The following CLASRP variants were observed in gnomAD, a reference collection of about 807,000 sequenced individuals.
CLASRP encodes the protein CLK4-associating serine/arginine rich protein.
Under a neutral mutation model 99.9 loss-of-function variants are expected in CLASRP, and 52 were observed. That is an observed-to-expected ratio of 0.52 (90% CI 0.42 to 0.66). The LOEUF (loss-of-function observed/expected upper bound fraction) is 0.66. Ranked by LOEUF, CLASRP falls within the 30% of genes least tolerant of loss-of-function variation. CLASRP has a pLI of 0.00. For missense variants in CLASRP, 848 were observed against 999.2 expected (o/e 0.85, Z 2.04); for synonymous variants, 379 against 373.0 (o/e 1.02, Z -0.18).
intron 13 of CLASRP, 91 bp downstream of exon 13, chr19:45,064,721 C>T (rs1967043191): frequency 3.4e-6 from 5 of 1,453,836 alleles, no homozygotes; most frequent in Non-Finnish European, 4.5e-6. Context: ...GAAACCTGGC[C>T]GTCCAGCTCA....
chr19:45,053,906 A>G (rs184968035), intron 5 of CLASRP, among the ~76,000 whole-genome samples: 4 of 152,072 alleles, frequency 2.6e-5, no homozygotes, highest in African/African-American at 7.2e-5. Context: ...TAGACATGAA[A>G]CACTATGCCC....
At chr19:45,069,451 G>A (rs188298087) in intron 18 of CLASRP, among the ~76,000 whole-genome samples, 9 of 151,838 alleles carry the variant, frequency 5.9e-5, no homozygotes, top group South Asian at 4.2e-4. Flanking sequence ...CCTGCCTCCC[G>A]CCACCGCGAC....
intron 19 of CLASRP, 84 bp from the exon 20 acceptor site, chr19:45,070,453 A>C: frequency 8.1e-7 from 1 of 1,234,390 alleles, no homozygotes; most frequent in South Asian, 1.2e-5. Flanking sequence ...CCTGAAGTTC[A>C]GTTTTGAGGA....
At chr19:45,046,360 C>T (rs1265792677) in intron 2 of CLASRP, among the ~76,000 whole-genome samples, 1 of 152,234 alleles carries the variant, frequency 6.6e-6, no homozygotes, top group Non-Finnish European at 1.5e-5. Context: ...TCCTTGTCAA[C>T]TTTCCTTTTT....
At chr19:45,057,427 G>A (rs1972140268) in intron 6 of CLASRP, among the ~76,000 whole-genome samples, 1 of 152,210 alleles carries the variant, frequency 6.6e-6, no homozygotes, top group Non-Finnish European at 1.5e-5. Flanking sequence ...GAGGACTCTG[G>A]GCTGTGCCCT....
At position 45,053,052 on chromosome 19, in the gene CLASRP, G is replaced by A. The variant is rs370511250; in HGVS notation, c.300-46G>A. 205 of 1,605,740 alleles carry A rather than the reference G, an allele frequency of 1.3e-4. 1 individual carries two copies. The highest frequency in any genetic ancestry group is 6.7e-4 in the Admixed American group (40 of 59,830). On this transcript the variant is annotated intron_variant, in intron 4 of 20. Transcript: ENST00000221455. ...TTCCCTTCCTGCTGGCTTGGGGGGG[G>A]ATCCACTCCTTCTCTCTGATTTCAA...
In CLASRP at chr19:45,070,038, GAGA is replaced by G. The variant is rs758951487; in HGVS notation, c.1894_1896del (p.Lys632del). 6.2e-6 allele frequency: 10 copies of G among 1,605,898 alleles called. No individual in the cohort carries two copies. Among genetic ancestry groups the G allele is most frequent in the Admixed American group, 1.7e-5 (1 of 60,010 alleles). On this transcript the variant is annotated inframe_deletion, in exon 19 of 21. Coordinates refer to ENST00000221455, the MANE Select transcript of CLASRP (RefSeq NM_007056.3). Reference sequence around the variant, plus strand: ...CCTTCGCAGGGAGCGGGAACGCCGAGAGAAGGAGAGAGAAGAGTGGGAACGCCA... The same window carrying G: ...CCTTCGCAGGGAGCGGGAACGCCGAGAGGAGAGAGAAGAGTGGGAACGCCA...
chr19:45,064,283 G>C (rs1967017766), intron 12 of CLASRP, 56 bp downstream of exon 12: 2 of 1,515,582 alleles, frequency 1.3e-6, no homozygotes, highest in African/African-American at 2.7e-5. Flanking sequence ...GGGGTACCCG[G>C]GGCAGAGGGG....
In CLASRP at chr19:45,060,482, G is replaced by C; in HGVS notation, c.789+15G>C. The C allele has an allele frequency of 6.2e-7, 1 of 1,614,052 alleles. No individual in the cohort carries two copies. Among genetic ancestry groups the C allele is most frequent in the Non-Finnish European group, 8.5e-7 (1 of 1,179,874 alleles). ...CCATGTACTCGGTGAGGTCTGGGCT[G>C]GAGTGGAAGGGGACAGGGGTGTGTC... On this transcript the variant is annotated intron_variant, in intron 9 of 20. Coordinates refer to ENST00000221455, the MANE Select transcript of CLASRP (RefSeq NM_007056.3). The surrounding 1 kb of genome is among the most constrained non-coding windows in gnomAD (Gnocchi z 4.6).
rs150962382 is a variant in CLASRP, at chr19:45,070,822, C to A, written c.2002C>A (p.Arg668=). The part of the protein sequence containing the change: ...SSRRRSRSRS[R]SPHYRH ...TTCCAGGCGCTCAAGGTCCCGATCC[C>A]GAAGCCCCCATTACCGACATTAGGC... Residue 668 remains arginine (R), a synonymous_variant, in exon 21 of 21, where the codon CGA becomes AGA. Transcript: ENST00000221455. 2.5e-6 allele frequency: 4 copies of A among 1,609,538 alleles called. No individual in the cohort carries two copies. The African/African-American group carries it at 5.4e-5, about 22-fold the overall frequency.
intron 13 of CLASRP, among the ~76,000 whole-genome samples, chr19:45,066,645 AAAAG>A (rs1212650863): frequency 8.0e-5 from 12 of 150,572 alleles, no homozygotes; most frequent in Middle Eastern, 6.8e-3. Context: ...AAAAAAAAAA[AAAAG>A]AGCCCAAGCA....
chr19:45,064,372 C>T lies in CLASRP; in HGVS notation c.1151C>T (p.Ser384Phe), dbSNP rs1187316086. 3.3e-6 allele frequency: 5 copies of T among 1,534,160 alleles called. No individual in the cohort carries two copies. Among genetic ancestry groups the T allele is most frequent in the African/African-American group, 1.4e-5 (1 of 72,962 alleles). Residue 384 changes from serine (S) to phenylalanine (F), a missense_variant, in exon 13 of 21, where the codon TCT becomes TTT. By Grantham distance (155) the Ser-to-Phe change is radical. Around this residue, in one of 8 missense-constraint regions of CLASRP, gnomAD observed 489 missense variants for 434.7 expected, o/e 1.12. Coordinates refer to ENST00000221455, the MANE Select transcript of CLASRP (RefSeq NM_007056.3). ...CGCTCCTCCTCCTCCTCCTCCTCCTCTTCTGCCTCGAGGACCTCCAGCTCC... is the reference window on the plus strand; with the variant it reads ...CGCTCCTCCTCCTCCTCCTCCTCCTTTTCTGCCTCGAGGACCTCCAGCTCC... Reference protein sequence around the residue: ...RRRSSSSSSSSSASRTSSSRS... With the variant: ...RRRSSSSSSSFSASRTSSSRS...
Position 45,070,739 on chromosome 19 carries a change from A to G in CLASRP, c.1983-64A>G, listed in dbSNP as rs190731819. ...AAGTGCCCCGATCACTGAAGCATCCACGGCCCCAGGTGTGTTGATGTGTGT... is the reference window on the plus strand; with the variant it reads ...AAGTGCCCCGATCACTGAAGCATCCGCGGCCCCAGGTGTGTTGATGTGTGT... On this transcript the variant is annotated intron_variant, in intron 20 of 20. Coordinates refer to ENST00000221455, the MANE Select transcript of CLASRP (RefSeq NM_007056.3). 9.6e-3 allele frequency: 13,805 copies of G among 1,435,430 alleles called. 83 individuals carry two copies. The highest frequency in any genetic ancestry group is 0.011 in the Non-Finnish European group (11,594 of 1,016,936). 88.9% of individuals were successfully genotyped at this position (1,435,430 alleles called of 1,614,324 possible).
At chr19:45,055,848 A>G (rs931525240) in intron 5 of CLASRP, among the ~76,000 whole-genome samples, 1 of 152,098 alleles carries the variant, frequency 6.6e-6, no homozygotes, top group Non-Finnish European at 1.5e-5. Context: ...AAATAAGAAA[A>G]GAAAAACTGA....
chr19:45,068,411 C>A lies in CLASRP; in HGVS notation c.1708-9C>A, dbSNP rs371731783. 1.0e-4 allele frequency: 160 copies of A among 1,594,540 alleles called. No homozygotes were observed. Among genetic ancestry groups the A allele is most frequent in the Middle Eastern group, 1.7e-4 (1 of 6,020 alleles). ...ACCCCCTCTCCCGCCTCTTCTCCCC[C>A]CTCCCCAGCCCAAGCTGACGCCTCA... On this transcript the variant is annotated splice_polypyrimidine_tract_variant and intron_variant, in intron 15 of 20. Coordinates refer to ENST00000221455, the MANE Select transcript of CLASRP (RefSeq NM_007056.3).
rs768337928 is a variant in CLASRP, at chr19:45,053,128, G to A, written c.330G>A (p.Lys110=). The change falls in exon 5 of 21, where the codon AAG becomes AAA. Residue 110 remains lysine, a synonymous_variant. Transcript: ENST00000221455. ...CAGAACAGGAGTCGGACGAACGGAA[G>A]TGTAACTACGAGCGCTACAGAGGCC... ...ISPEQESDER[K]CNYERYRGLV... is the part of the protein sequence containing the mutation. 1 of 1,614,098 alleles carries A rather than the reference G, an allele frequency of 6.2e-7. No homozygotes were observed. Among genetic ancestry groups the A allele is most frequent in the South Asian group, 1.1e-5 (1 of 91,070 alleles).
rs1310393682 is a variant in CLASRP at position 45,067,641 on chromosome 19, G to T, written c.1667+47G>T. On this transcript the variant is annotated intron_variant, in intron 14 of 20. Transcript: ENST00000221455. This position sits in a 1 kb window ranked among gnomAD's most constrained non-coding sequence, Gnocchi z 4.9. The stretch of plus-strand genomic sequence containing the variant: ...GAAGAGGGCTGCCAATCTCGGGTGG[G>T]GAGGGTGAACATCACTGTTTTCTTT... 6.6e-7 allele frequency: 1 copy of T among 1,514,030 alleles called. No individual in the cohort carries two copies. The highest frequency in any genetic ancestry group is 8.9e-7 in the Non-Finnish European group (1 of 1,118,570). 93.8% of individuals were successfully genotyped at this position (1,514,030 alleles called of 1,614,324 possible). A position where few individuals can be genotyped will look rare whatever the true frequency, so the allele number is the denominator to read the frequency against.
Position 45,064,008 on chromosome 19 carries a change from G to T in CLASRP, c.906-4G>T. ...CTAGTGAGCCTCCTCCTCCCTACCC[G>T]CAGGTCACCCTCGGAGTCCAGCTCA... On this transcript the variant is annotated splice_polypyrimidine_tract_variant and splice_region_variant and intron_variant, in intron 11 of 20. Transcript: ENST00000221455. 6.2e-7 allele frequency: 1 copy of T among 1,605,930 alleles called. No homozygotes were observed. The highest frequency in any genetic ancestry group is 8.5e-7 in the Non-Finnish European group (1 of 1,176,632).
intron 2 of CLASRP, 132 bp downstream of exon 2, chr19:45,040,443 C>G (rs1971790341): frequency 1.6e-6 from 1 of 619,978 alleles, no homozygotes; most frequent in African/African-American, 1.9e-5. Context: ...ATTCATTAAT[C>G]TTTTCTTGAG....
Sources: gnomAD v4.1 joint callset for allele counts (sites outside exome capture counted in the v4.1 genomes callset) on GRCh38, gnomAD v4.1.1 for gene constraint, gnomAD v4.1.1 regional missense constraint, Gnocchi (gnomAD v3.1) non-coding constraint, MANE v1.5 for transcripts, NCBI Gene and HGNC (gene_info 2026-07-23, HGNC 2026-07-21) for gene names.